The following AMPH variants were observed in gnomAD, a reference collection of about 807,000 sequenced individuals.
The protein encoded by AMPH is amphiphysin.
AMPH carries 49 observed loss-of-function variants against 99.1 expected under a neutral mutation model. That is an observed-to-expected ratio of 0.49 (90% CI 0.39 to 0.63). AMPH has a LOEUF of 0.63. Among genes scored for constraint, AMPH ranks in the 20% least tolerant of loss-of-function variants. AMPH has a pLI of 0.00. For missense variants in AMPH, 759 were observed against 863.4 expected (o/e 0.88, Z 1.52); for synonymous variants, 314 against 317.3 (o/e 0.99, Z 0.11).
chr7:38,610,234 CAAAAAAAAAAAA>C (rs544036143), intron 1 of AMPH, among the ~76,000 whole-genome samples: 262 of 6,106 alleles, frequency 0.043, 37 homozygotes, highest in African/African-American at 0.15. Flanking sequence ...TAAGCTCTCT[CAAAAAAAAAAAA>C]AAAAAAAAAA....
At chr7:38,454,197 G>T (rs1787144227) in intron 11 of AMPH, among the ~76,000 whole-genome samples, 1 of 152,168 alleles carries the variant, frequency 6.6e-6, no homozygotes, top group African/African-American at 2.4e-5. Context: ...TGATAAGTGT[G>T]CTTGAAAAGA....
At chr7:38,627,407 C>T (rs1205106587) in intron 1 of AMPH, among the ~76,000 whole-genome samples, 1 of 80,584 alleles carries the variant, frequency 1.2e-5, no homozygotes, top group Non-Finnish European at 2.8e-5. Context: ...AAAAATTAGC[C>T]GGACGTGGTG....
At chr7:38,620,544 T>TACACACACAC (rs1348103863) in intron 1 of AMPH, among the ~76,000 whole-genome samples, 26 of 111,242 alleles carry the variant, frequency 2.3e-4, no homozygotes, top group African/African-American at 8.4e-4. Context: ...TATATATACA[T>TACACACACAC]ACATACACAC....
Position 38,475,381 on chromosome 7 carries a change from A to C in AMPH, c.540T>G (p.Phe180Leu). The C allele has an allele frequency of 6.2e-7, 1 of 1,613,280 alleles. No individual in the cohort carries two copies. The highest frequency in any genetic ancestry group is 2.2e-5 in the East Asian group (1 of 44,778). ...EEEFQKAQKV[F>L]EEFNVDLQEE... ...CTTGTAAGTCAACGTTAAACTCTTCAAACACTTTCTGTGCTTTCTGAAATT... is the reference window on the plus strand; with the variant it reads ...CTTGTAAGTCAACGTTAAACTCTTCCAACACTTTCTGTGCTTTCTGAAATT... The change falls in exon 7 of 21, where the codon TTT becomes TTG. Residue 180 changes from phenylalanine (F) to leucine (L), a missense_variant. By Grantham distance (22) the Phe-to-Leu change is conservative. Around this residue, in one of 2 missense-constraint regions of AMPH, gnomAD observed 205 missense variants for 287.9 expected, o/e 0.71. Transcript: ENST00000356264.
At chr7:38,516,014 T>C (rs1008819034) in intron 2 of AMPH, among the ~76,000 whole-genome samples, 2 of 152,246 alleles carry the variant, frequency 1.3e-5, no homozygotes, top group Non-Finnish European at 2.9e-5. Context: ...TAGCAGCCTA[T>C]GCTTATATTC....
At chr7:38,433,724 C>CAAA (rs570503359) in intron 12 of AMPH, among the ~76,000 whole-genome samples, 12 of 53,194 alleles carry the variant, frequency 2.3e-4, no homozygotes, top group African/African-American at 2.7e-4. Context: ...GACTCCGTCT[C>CAAA]AAAAAAAAAA....
intron 1 of AMPH, among the ~76,000 whole-genome samples, chr7:38,630,985 G>A (rs1247364671): frequency 6.6e-6 from 1 of 152,154 alleles, no homozygotes; most frequent in African/African-American, 2.4e-5. Flanking sequence ...GCCTGGCTTG[G>A]GGCCAGGAGA....
At chr7:38,459,951 G>A (rs1787378389) in intron 11 of AMPH, among the ~76,000 whole-genome samples, 1 of 151,384 alleles carries the variant, frequency 6.6e-6, no homozygotes, top group Non-Finnish European at 1.5e-5. Context: ...ATTCAACAAG[G>A]GAATAATATT....
At chr7:38,589,837 T>C (rs1792791213) in intron 1 of AMPH, among the ~76,000 whole-genome samples, 1 of 152,108 alleles carries the variant, frequency 6.6e-6, no homozygotes, top group Admixed American at 6.5e-5. Context: ...GAACACAAAA[T>C]TGCAAATGTT....
chr7:38,470,441 C>T (rs1358072556), intron 7 of AMPH, among the ~76,000 whole-genome samples: 2 of 151,988 alleles, frequency 1.3e-5, no homozygotes. Context: ...TGCTTGATAC[C>T]TCTATTGTAA....
chr7:38,460,906 T>A (rs773051499), intron 11 of AMPH, among the ~76,000 whole-genome samples: 1 of 152,182 alleles, frequency 6.6e-6, no homozygotes, highest in Non-Finnish European at 1.5e-5. Flanking sequence ...AGGTGATAGA[T>A]ACCCCAAATA....
chr7:38,529,933 T>C (rs1207876135), intron 2 of AMPH, among the ~76,000 whole-genome samples: 1 of 152,200 alleles, frequency 6.6e-6, no homozygotes, highest in African/African-American at 2.4e-5. Flanking sequence ...GCAGTATATT[T>C]TTATTTTACA....
At chr7:38,579,401 C>T (rs58976202) in intron 1 of AMPH, among the ~76,000 whole-genome samples, 42,598 of 151,904 alleles carry the variant, frequency 0.28, 6,323 homozygotes, top group Non-Finnish European at 0.34. Flanking sequence ...CCCAGATCAG[C>T]ATCCTTAAGC....
intron 1 of AMPH, among the ~76,000 whole-genome samples, chr7:38,572,147 C>T (rs771497664): frequency 6.6e-5 from 10 of 152,090 alleles, no homozygotes; most frequent in Non-Finnish European, 1.0e-4. Context: ...TCAGGTGATC[C>T]GCCCACTTCA....
intron 1 of AMPH, among the ~76,000 whole-genome samples, chr7:38,582,092 G>A (rs1294204580): frequency 6.6e-6 from 1 of 152,006 alleles, no homozygotes; most frequent in Non-Finnish European, 1.5e-5. Flanking sequence ...GAATAACATA[G>A]ATTAAAAAAA....
At chr7:38,467,567 T>C (rs1787705961) in intron 7 of AMPH, among the ~76,000 whole-genome samples, 1 of 152,046 alleles carries the variant, frequency 6.6e-6, no homozygotes, top group Non-Finnish European at 1.5e-5. Context: ...TAGGTGAACA[T>C]GTCTCTAGGA....
intron 2 of AMPH, among the ~76,000 whole-genome samples, chr7:38,533,977 T>C (rs1170298090): frequency 1.3e-5 from 2 of 152,212 alleles, no homozygotes; most frequent in African/African-American, 2.4e-5. Flanking sequence ...ATAGTTTCTA[T>C]ATCCACGTGT....
intron 1 of AMPH, among the ~76,000 whole-genome samples, chr7:38,623,028 A>G (rs1178241433): frequency 6.6e-6 from 1 of 152,228 alleles, no homozygotes; most frequent in East Asian, 1.9e-4. Flanking sequence ...ACAAGGCTGT[A>G]GTAAAAACCA....
At chr7:38,608,170 C>A (rs1793500020) in intron 1 of AMPH, among the ~76,000 whole-genome samples, 1 of 152,018 alleles carries the variant, frequency 6.6e-6, no homozygotes, top group South Asian at 2.1e-4. Flanking sequence ...TTCTTAGAAC[C>A]CCTGTAAGAG....
Sources: gnomAD v4.1 joint callset for allele counts (sites outside exome capture counted in the v4.1 genomes callset) on GRCh38, gnomAD v4.1.1 for gene constraint, gnomAD v4.1.1 regional missense constraint, MANE v1.5 for transcripts, NCBI Gene and HGNC (gene_info 2026-07-23, HGNC 2026-07-21) for gene names.